The following CDH10 variants were observed in gnomAD, a reference collection of about 807,000 sequenced individuals.
CDH10 encodes the protein cadherin 10.
Under a neutral mutation model 73.1 loss-of-function variants are expected in CDH10, and 30 were observed. That is an observed-to-expected ratio of 0.41 (90% CI 0.31 to 0.56). CDH10 has a LOEUF of 0.56. CDH10 is among the 20% of genes least tolerant of loss of function. The probability of loss-of-function intolerance (pLI) is 0.27; values close to 1 mark genes in which losing one functional copy is unlikely to be tolerated. For synonymous variants in CDH10, 345 were observed against 348.2 expected, an observed-to-expected ratio of 0.99 and a Z score of 0.10; for missense variants, 815 against 973.7, an observed-to-expected ratio of 0.84 and a Z score of 2.17.
intron 2 of CDH10, among the ~76,000 whole-genome samples, chr5:24,567,551 G>A (rs13174538): frequency 0.42 from 64,094 of 151,352 alleles, 14,749 homozygotes; most frequent in East Asian, 0.54. Flanking sequence ...ATGTAAGAGT[G>A]TATGCTCCAA....
intron 1 of CDH10, among the ~76,000 whole-genome samples, chr5:24,642,591 G>C (rs1017961844): frequency 6.6e-6 from 1 of 151,556 alleles, no homozygotes; most frequent in Admixed American, 6.6e-5. Flanking sequence ...TCCCAGTGTG[G>C]GTAAAAATCT....
chr5:24,556,842 T>C (rs765322314), intron 2 of CDH10, among the ~76,000 whole-genome samples: 2 of 151,868 alleles, frequency 1.3e-5, no homozygotes, highest in African/African-American at 2.4e-5. Flanking sequence ...TAATTTATTC[T>C]TCATAATTCT....
In CDH10 at chr5:24,572,935, G is replaced by GAAAAA. The variant is rs55946839; in HGVS notation, c.231+20320_231+20324dup. 7.9e-4 allele frequency among the ~76,000 whole-genome samples: 57 copies of GAAAAA among 72,108 alleles called. 1 individual carries two copies. Among genetic ancestry groups the GAAAAA allele is most frequent in the Non-Finnish European group, 1.1e-3 (43 of 39,652 alleles). 47.3% of individuals were successfully genotyped at this position (72,108 alleles called of 152,430 possible). A position where few individuals can be genotyped will look rare whatever the true frequency, so the allele number is the denominator to read the frequency against. On this transcript the variant is annotated intron_variant, in intron 2 of 11. Transcript: ENST00000264463. ...ATCTGTATAATTGTACTTAGAAAAA[G>GAAAAA]AAAAAAAAAAAAAAAAAAAAAGGAG...
At chr5:24,643,411 G>C (rs1034072315) in intron 1 of CDH10, among the ~76,000 whole-genome samples, 2 of 151,630 alleles carry the variant, frequency 1.3e-5, no homozygotes. Flanking sequence ...TTGTAGCTAC[G>C]TTTTAAAGGA....
chr5:24,537,501 TCTTCTGTTAATAG>T lies in CDH10; in HGVS notation c.392_404del (p.Ala131GlufsTer3). On this transcript the variant is annotated frameshift_variant, in exon 3 of 12. Transcript: ENST00000264463. LOFTEE classifies it high-confidence loss of function. ...ACTCTGGCTCTACTGGCCTCAGAGTTCTTCTGTTAATAGCTTGTGCGCGTAGAGTATAAAAGGC... is the reference window on the plus strand; with the variant it reads ...ACTCTGGCTCTACTGGCCTCAGAGTTCTTGTGCGCGTAGAGTATAAAAGGC... The T allele has an allele frequency of 6.2e-7, 1 of 1,613,388 alleles. No individual in the cohort carries two copies. Among genetic ancestry groups the T allele is most frequent in the Non-Finnish European group, 8.5e-7 (1 of 1,179,520 alleles).
chr5:24,540,905 G>C lies in CDH10; in HGVS notation c.232-3231C>G, dbSNP rs1268584324. Among the ~76,000 whole-genome samples the C allele has an allele frequency of 4.0e-5, 6 of 151,868 alleles. No homozygotes were observed. In the East Asian group the frequency reaches 1.2e-3, roughly 29 times the overall value. ...AAAGAAACTACAAGAGATATTCACTGTAATAATGAGATTATGTGGATAATC... is the reference window on the plus strand; with the variant it reads ...AAAGAAACTACAAGAGATATTCACTCTAATAATGAGATTATGTGGATAATC... On this transcript the variant is annotated intron_variant, in intron 2 of 11. Coordinates refer to ENST00000264463, the MANE Select transcript of CDH10 (RefSeq NM_006727.5).
chr5:24,504,151 T>A (rs116762699), intron 8 of CDH10, among the ~76,000 whole-genome samples: 2,213 of 152,138 alleles, frequency 0.015, 53 homozygotes, highest in African/African-American at 0.047. Flanking sequence ...CTCAAAAAAA[T>A]CCCGAAAAAC....
intron 5 of CDH10, among the ~76,000 whole-genome samples, chr5:24,527,759 T>G (rs1175029990): frequency 6.6e-6 from 1 of 151,838 alleles, no homozygotes; most frequent in Non-Finnish European, 1.5e-5. Context: ...GAAATGTCAC[T>G]ATGGAGTGCA....
At chr5:24,637,623 G>T (rs1747908319) in intron 1 of CDH10, among the ~76,000 whole-genome samples, 1 of 151,790 alleles carries the variant, frequency 6.6e-6, no homozygotes, top group Non-Finnish European at 1.5e-5. Context: ...AAATTAATTA[G>T]GAGCTAAAGA....
At chr5:24,607,096 A>G (rs2112133564) in intron 1 of CDH10, among the ~76,000 whole-genome samples, 1 of 152,296 alleles carries the variant, frequency 6.6e-6, no homozygotes. Flanking sequence ...GCTTCAGCAA[A>G]CAGGGAGTCA....
At chr5:24,601,983 A>G (rs558638973) in intron 1 of CDH10, among the ~76,000 whole-genome samples, 4 of 152,008 alleles carry the variant, frequency 2.6e-5, no homozygotes, top group Admixed American at 1.3e-4. Context: ...ATGACCACCC[A>G]CTTTAACAAA....
In CDH10 at chr5:24,569,212, AG is replaced by A. The variant is rs535757915; in HGVS notation, c.231+24047del. ...AATTACTTAGAATAAGCAAATTTAT[AG>A]AGACAGAAAATAGCATAGTGGTTAC... On this transcript the variant is annotated intron_variant, in intron 2 of 11. Transcript: ENST00000264463. Among the ~76,000 whole-genome samples the A allele has an allele frequency of 1.1e-3, 165 of 152,312 alleles. 1 individual carries two copies. Among genetic ancestry groups the A allele is most frequent in the African/African-American group, 3.7e-3 (153 of 41,562 alleles).
chr5:24,514,511 A>G (rs1743035725), intron 5 of CDH10, among the ~76,000 whole-genome samples: 1 of 152,154 alleles, frequency 6.6e-6, no homozygotes, highest in Non-Finnish European at 1.5e-5. Flanking sequence ...ACAGCACATC[A>G]TAAATTCTAA....
At chr5:24,581,513 G>A (rs1424666832) in intron 2 of CDH10, among the ~76,000 whole-genome samples, 1 of 152,118 alleles carries the variant, frequency 6.6e-6, no homozygotes, top group Non-Finnish European at 1.5e-5. Flanking sequence ...TGAATTTCCT[G>A]TATTTCTCAC....
At chr5:24,563,597 C>CTAAAAAAAAAAAAA (rs1745043501) in intron 2 of CDH10, among the ~76,000 whole-genome samples, 1 of 88,730 alleles carries the variant, frequency 1.1e-5, no homozygotes, top group Non-Finnish European at 2.1e-5. Context: ...ACTAAAAATA[C>CTAAAAAAAAAAAAA]AAAAAAAAAA....
At chr5:24,577,844 T>C (rs1454425198) in intron 2 of CDH10, among the ~76,000 whole-genome samples, 1 of 152,100 alleles carries the variant, frequency 6.6e-6, no homozygotes, top group African/African-American at 2.4e-5. Flanking sequence ...ACACAAATAA[T>C]AAGGACTGAA....
At chr5:24,554,154 T>C (rs888716405) in intron 2 of CDH10, 3 of 90,724 alleles carry the variant, frequency 3.3e-5, no homozygotes, top group Non-Finnish European at 7.2e-5. Context: ...CCTCAGGAAC[T>C]CTAGCCCCTC....
intron 5 of CDH10, among the ~76,000 whole-genome samples, chr5:24,521,055 A>T (rs927689981): frequency 1.3e-5 from 2 of 152,246 alleles, no homozygotes; most frequent in East Asian, 3.9e-4. Context: ...CATTCCTGGC[A>T]CTCAACAGAA....
intron 7 of CDH10, among the ~76,000 whole-genome samples, chr5:24,508,372 T>A (rs546881893): frequency 6.6e-6 from 1 of 152,166 alleles, no homozygotes; most frequent in Non-Finnish European, 1.5e-5. Context: ...AAACAAGAAT[T>A]GAAAAGACTC....
Sources: gnomAD v4.1 joint callset for allele counts (sites outside exome capture counted in the v4.1 genomes callset) on GRCh38, gnomAD v4.1.1 for gene constraint, MANE v1.5 for transcripts, NCBI Gene and HGNC (gene_info 2026-07-23, HGNC 2026-07-21) for gene names.